The following CDKAL1 variants were observed in gnomAD, a reference collection of about 807,000 sequenced individuals.
The protein encoded by CDKAL1 is CDKAL1 threonylcarbamoyladenosine tRNA methylthiotransferase, also known as threonylcarbamoyladenosine tRNA methylthiotransferase.
Under a neutral mutation model 68.2 loss-of-function variants are expected in CDKAL1, and 32 were observed. The ratio of observed to expected loss-of-function variants is 0.47; its 90% CI spans 0.35 to 0.63. CDKAL1 has a LOEUF of 0.63. Among genes scored for constraint, CDKAL1 ranks in the 30% least tolerant of loss-of-function variants. The pLI is 0.00. For synonymous variants in CDKAL1, 234 were observed against 244.3 expected (o/e 0.96, Z 0.39); for missense variants, 606 against 696.7 (o/e 0.87, Z 1.47).
chr6:20,893,572 A>T (rs771122329), intron 9 of CDKAL1, among the ~76,000 whole-genome samples: 25 of 152,182 alleles, frequency 1.6e-4, no homozygotes, highest in Non-Finnish European at 3.1e-4. Context: ...ACATTTATTT[A>T]TATTGTTTCT....
At chr6:20,616,596 G>A (rs1353922918) in intron 4 of CDKAL1, among the ~76,000 whole-genome samples, 1 of 147,628 alleles carries the variant, frequency 6.8e-6, no homozygotes, top group African/African-American at 2.5e-5. Flanking sequence ...TGTTATTGGT[G>A]TATAAGAATG....
At chr6:20,813,923 A>G (rs925543363) in intron 8 of CDKAL1, among the ~76,000 whole-genome samples, 9 of 151,900 alleles carry the variant, frequency 5.9e-5, no homozygotes, top group Admixed American at 5.2e-4. Context: ...TTACATTTCT[A>G]TAGATTTTAG....
At chr6:20,569,290 C>T (rs890797038) in intron 4 of CDKAL1, among the ~76,000 whole-genome samples, 1 of 152,202 alleles carries the variant, frequency 6.6e-6, no homozygotes, top group South Asian at 2.1e-4. Context: ...TTCATGGGCA[C>T]TGTAAGTATA....
intron 13 of CDKAL1, among the ~76,000 whole-genome samples, chr6:21,196,720 A>AT (rs1778482692): frequency 1.3e-5 from 2 of 152,324 alleles, no homozygotes; most frequent in Admixed American, 1.3e-4. Flanking sequence ...ACAAATGAGA[A>AT]TAGGAATTTT....
At chr6:21,034,090 T>C (rs1258799000) in intron 11 of CDKAL1, among the ~76,000 whole-genome samples, 1 of 152,046 alleles carries the variant, frequency 6.6e-6, no homozygotes, top group East Asian at 1.9e-4. Context: ...TAAGTTGGGT[T>C]GATTTGTTCC....
chr6:20,982,387 T>G (rs533929398), intron 10 of CDKAL1, among the ~76,000 whole-genome samples: 2 of 152,244 alleles, frequency 1.3e-5, no homozygotes, highest in East Asian at 3.9e-4. Flanking sequence ...TATAAATAAA[T>G]AAAGTGTACT....
intron 8 of CDKAL1, among the ~76,000 whole-genome samples, chr6:20,808,682 G>C (rs955051869): frequency 9.9e-5 from 15 of 151,948 alleles, no homozygotes; most frequent in African/African-American, 3.6e-4. Context: ...TTTGGTTCTG[G>C]GTTTCAGGAG....
intron 11 of CDKAL1, among the ~76,000 whole-genome samples, chr6:21,038,134 G>A (rs1769696261): frequency 6.6e-6 from 1 of 152,180 alleles, no homozygotes; most frequent in African/African-American, 2.4e-5. Context: ...AAGGGAGTTT[G>A]GCAGCTTGGA....
intron 10 of CDKAL1, among the ~76,000 whole-genome samples, chr6:20,984,703 C>T (rs1178019159): frequency 6.6e-6 from 1 of 152,000 alleles, no homozygotes; most frequent in Non-Finnish European, 1.5e-5. Flanking sequence ...TTCAAGCTGT[C>T]CCTCTGAAGT....
intron 9 of CDKAL1, among the ~76,000 whole-genome samples, chr6:20,858,335 C>G (rs1262877834): frequency 6.7e-6 from 1 of 149,786 alleles, no homozygotes; most frequent in Non-Finnish European, 1.5e-5. Flanking sequence ...TTTTTTTTTT[C>G]CTGTTTATGT....
chr6:20,807,074 A>G (rs1333689706), intron 8 of CDKAL1, among the ~76,000 whole-genome samples: 1 of 152,198 alleles, frequency 6.6e-6, no homozygotes. Context: ...TTACTCATGA[A>G]GACTTAGCCT....
At chr6:20,727,764 A>G (rs756909478) in intron 5 of CDKAL1, among the ~76,000 whole-genome samples, 2 of 152,086 alleles carry the variant, frequency 1.3e-5, no homozygotes, top group Non-Finnish European at 2.9e-5. Flanking sequence ...CTATAGTGGC[A>G]TATTTTTGGA....
chr6:20,596,368 G>T (rs1293138915), intron 4 of CDKAL1, among the ~76,000 whole-genome samples: 1 of 152,224 alleles, frequency 6.6e-6, no homozygotes, highest in Non-Finnish European at 1.5e-5. Context: ...CCCCAGCGAG[G>T]AGGAATCTAG....
chr6:20,697,005 C>A (rs1220111349), intron 5 of CDKAL1, among the ~76,000 whole-genome samples: 1 of 151,996 alleles, frequency 6.6e-6, no homozygotes, highest in Non-Finnish European at 1.5e-5. Flanking sequence ...ATAATCTGAC[C>A]TTTGGGAGCA....
At chr6:20,833,412 G>T (rs907207359) in intron 8 of CDKAL1, among the ~76,000 whole-genome samples, 2 of 151,838 alleles carry the variant, frequency 1.3e-5, no homozygotes, top group Admixed American at 1.3e-4. Flanking sequence ...AACCATCCTC[G>T]CCACTTCCCT....
chr6:21,227,265 G>A (rs978553708), intron 15 of CDKAL1, among the ~76,000 whole-genome samples: 10 of 151,950 alleles, frequency 6.6e-5, no homozygotes, highest in Non-Finnish European at 1.3e-4. Context: ...GCTTTCAACT[G>A]GTATGGTTGT....
chr6:20,744,639 G>C (rs929042771), intron 6 of CDKAL1, among the ~76,000 whole-genome samples: 57 of 152,150 alleles, frequency 3.7e-4, no homozygotes, highest in African/African-American at 1.3e-3. Context: ...AAATGCCCTT[G>C]GTGTCTGCTG....
intron 9 of CDKAL1, among the ~76,000 whole-genome samples, chr6:20,863,258 TCA>T (rs1215234865): frequency 2.0e-5 from 3 of 152,116 alleles, no homozygotes; most frequent in Non-Finnish European, 2.9e-5. Flanking sequence ...TATTTTGGTC[TCA>T]GTTCTCTTCA....
chr6:21,040,704 C>T (rs971725011), intron 11 of CDKAL1, among the ~76,000 whole-genome samples: 9 of 152,080 alleles, frequency 5.9e-5, no homozygotes, highest in South Asian at 2.1e-4. Flanking sequence ...ATCTTCAAAG[C>T]GAACTTTTTC....
Sources: gnomAD v4.1 joint callset for allele counts (sites outside exome capture counted in the v4.1 genomes callset) on GRCh38, gnomAD v4.1.1 for gene constraint, MANE v1.5 for transcripts, NCBI Gene and HGNC (gene_info 2026-07-23, HGNC 2026-07-21) for gene names.